The following SS18 variants were observed in gnomAD, a reference collection of about 807,000 sequenced individuals.
SS18 encodes SS18 subunit of BAF chromatin remodeling complex, also known as protein SSXT.
SS18 carries 28 observed loss-of-function variants against 72.5 expected under a neutral mutation model. The ratio of observed to expected loss-of-function variants is 0.39; its 90% CI spans 0.29 to 0.53. The LOEUF is 0.53. SS18 is among the 20% of genes least tolerant of loss of function. The pLI is 0.76. For synonymous variants in SS18, 172 were observed against 164.2 expected (o/e 1.05, Z -0.37); for missense variants, 518 against 535.3 (o/e 0.97, Z 0.32).
At chr18:26,052,488 C>G in intron 5 of SS18, 136 bp downstream of exon 5, 1 of 665,888 alleles carries the variant, frequency 1.5e-6, no homozygotes, top group East Asian at 2.7e-5. Context: ...AACTCAACAT[C>G]TCCTTTTTAT....
chr18:26,032,463 C>A lies in SS18; in HGVS notation c.1166G>T (p.Gly389Val). Residue 389 changes from glycine (G) to valine (V), a missense_variant, in exon 10 of 11, where the codon GGA becomes GTA. Gly to Val is a moderately radical substitution (Grantham distance 109). Coordinates refer to ENST00000415083, the MANE Select transcript of SS18 (RefSeq NM_001007559.3). ...TGGTCCAGGCTGTGTTGGTCTATAT[C>A]CTCCATACTGCTGACCTTGTCCCTG... is the stretch of plus-strand genomic sequence containing the variant. Reference protein sequence around the residue: ...YPQGQGQQYGGYRPTQPGPPQ... With the variant: ...YPQGQGQQYGVYRPTQPGPPQ... 1 of 1,613,858 alleles carries A rather than the reference C, an allele frequency of 6.2e-7. No homozygotes were observed. The highest frequency in any genetic ancestry group is 8.5e-7 in the Non-Finnish European group (1 of 1,179,884).
intron 10 of SS18, among the ~76,000 whole-genome samples, chr18:26,030,686 A>T (rs142556119): frequency 2.4e-4 from 37 of 152,296 alleles, no homozygotes; most frequent in Middle Eastern, 6.8e-3. Context: ...AGGGAATCCA[A>T]AGACAAGAGA....
rs769794433 is a variant in SS18, at chr18:26,035,150, G to GA, written c.974-24dup. ...TTCCTACAGGATAATTGGAGAAGAG[G>GA]AAAAAAAACTGAGAAGTCTGCTTAA... On this transcript the variant is annotated intron_variant, in intron 8 of 10. Coordinates refer to ENST00000415083, the MANE Select transcript of SS18 (RefSeq NM_001007559.3). The surrounding 1 kb of genome is among the most constrained non-coding windows in gnomAD (Gnocchi z 4.4). 22 of 1,598,312 alleles carry GA rather than the reference G, an allele frequency of 1.4e-5. No homozygotes were observed. Among genetic ancestry groups the GA allele is most frequent in the Non-Finnish European group, 1.4e-5 (17 of 1,173,602 alleles).
At chr18:26,040,116 A>G (rs1169485137) in intron 5 of SS18, among the ~76,000 whole-genome samples, 2 of 152,236 alleles carry the variant, frequency 1.3e-5, no homozygotes, top group African/African-American at 4.8e-5. Flanking sequence ...AGACACATAC[A>G]TTACATAAAG....
At chr18:26,039,577 TG>T in intron 5 of SS18, 121 bp from the exon 6 acceptor site, 1 of 823,930 alleles carries the variant, frequency 1.2e-6, no homozygotes, top group Non-Finnish European at 1.7e-6. Flanking sequence ...CAGTAAAAAC[TG>T]ATTTCAAATA....
intron 4 of SS18, 111 bp downstream of exon 4, chr18:26,057,478 G>C: frequency 8.0e-7 from 1 of 1,242,850 alleles, no homozygotes; most frequent in Non-Finnish European, 1.2e-6. Flanking sequence ...GCTTGTACTC[G>C]GGGGCATTCA....
At chr18:26,084,095 G>A (rs541894215) in intron 2 of SS18, 29 of 152,068 alleles carry the variant, frequency 1.9e-4, no homozygotes, top group African/African-American at 6.5e-4. Flanking sequence ...AACATTTTGT[G>A]GTATAAGAAA....
At chr18:26,066,430 C>G (rs2144076362) in intron 3 of SS18, among the ~76,000 whole-genome samples, 1 of 152,206 alleles carries the variant, frequency 6.6e-6, no homozygotes, top group Non-Finnish European at 1.5e-5. Context: ...TGATATTTCC[C>G]TTCACCCTCA....
At chr18:26,069,514 A>G (rs2054276867) in intron 3 of SS18, among the ~76,000 whole-genome samples, 1 of 149,646 alleles carries the variant, frequency 6.7e-6, no homozygotes, top group Admixed American at 6.6e-5. Flanking sequence ...AAGTAAAAAA[A>G]AAAAAAAAAA....
intron 4 of SS18, 24 bp from the exon 5 acceptor site, chr18:26,052,869 C>G (rs754179371): frequency 1.6e-5 from 26 of 1,596,552 alleles, no homozygotes; most frequent in Middle Eastern, 3.3e-4. Context: ...TGATCAGAAG[C>G]AAAATATGAA....
intron 4 of SS18, among the ~76,000 whole-genome samples, chr18:26,053,116 A>T (rs898696356): frequency 7.2e-5 from 11 of 152,212 alleles, no homozygotes; most frequent in African/African-American, 2.7e-4. Flanking sequence ...AACATATCAT[A>T]AGGTTGGAGT....
rs1364407594 is a variant in SS18, at chr18:26,038,653, G to A, written c.782C>T (p.Pro261Leu). 3 of 1,612,872 alleles carry A rather than the reference G, an allele frequency of 1.9e-6. No individual in the cohort carries two copies. The highest frequency in any genetic ancestry group is 3.3e-5 in the Admixed American group (2 of 59,952). The change falls in exon 7 of 11, where the codon CCA becomes CTA. Residue 261 changes from proline to leucine, a missense_variant. Coordinates refer to ENST00000415083, the MANE Select transcript of SS18 (RefSeq NM_001007559.3). ...GTCTTCCTGGCCTGAGTACTGCTGT[G>A]GTGGGCCTGAAAAACCACAACCAGT... is the stretch of plus-strand genomic sequence containing the variant. The part of the protein sequence containing the change: ...PPYRPPQQGP[P>L]QQYSGQEDYY...
At chr18:26,029,618 C>CCA (rs1248437991) in intron 10 of SS18, among the ~76,000 whole-genome samples, 1 of 152,106 alleles carries the variant, frequency 6.6e-6, no homozygotes, top group Non-Finnish European at 1.5e-5. Context: ...AAGAATGGAA[C>CCA]CACTGTTTAC....
chr18:26,074,016 C>G (rs1000643143), intron 3 of SS18, among the ~76,000 whole-genome samples: 2 of 152,050 alleles, frequency 1.3e-5, no homozygotes, highest in African/African-American at 2.4e-5. Context: ...TTGGAATGTG[C>G]AAACTTATCT....
rs74903593 is a variant in SS18, at chr18:26,069,916, T to C, written c.231+8160A>G. On this transcript the variant is annotated intron_variant, in intron 3 of 10. Coordinates refer to ENST00000415083, the MANE Select transcript of SS18 (RefSeq NM_001007559.3). The stretch of plus-strand genomic sequence containing the variant: ...CAGTAACTAATATGAAATTAAAACA[T>C]AGAAATGCCATTTCTTCAAAGTATG... Among the ~76,000 whole-genome samples the C allele has an allele frequency of 1.5e-3, 227 of 152,328 alleles. 8 individuals are homozygous for C. The East Asian group carries it at 0.031, about 21-fold the overall frequency.
intron 4 of SS18, among the ~76,000 whole-genome samples, chr18:26,053,847 C>A (rs1368304245): frequency 6.6e-6 from 1 of 152,128 alleles, no homozygotes; most frequent in Non-Finnish European, 1.5e-5. Context: ...GTTGAAGGAA[C>A]AGAAATCTTA....
intron 10 of SS18, 23 bp from the exon 11 acceptor site, chr18:26,018,403 T>C: frequency 1.4e-6 from 2 of 1,468,314 alleles, no homozygotes; most frequent in Non-Finnish European, 1.9e-6. Flanking sequence ...TTTAAAAATA[T>C]AATTAGATAA....
intron 2 of SS18, among the ~76,000 whole-genome samples, chr18:26,086,828 A>G (rs2054623293): frequency 6.6e-6 from 1 of 152,226 alleles, no homozygotes; most frequent in South Asian, 2.1e-4. Flanking sequence ...TAACTTTCCC[A>G]CAGATAAGAC....
chr18:26,038,531 A>G, intron 7 of SS18, 24 bp downstream of exon 7: 1 of 1,590,692 alleles, frequency 6.3e-7, no homozygotes, highest in Non-Finnish European at 8.6e-7. Flanking sequence ...AGAAAATGGG[A>G]AAGTTAACAT....
Sources: gnomAD v4.1 joint callset for allele counts (sites outside exome capture counted in the v4.1 genomes callset) on GRCh38, gnomAD v4.1.1 for gene constraint, Gnocchi (gnomAD v3.1) non-coding constraint, MANE v1.5 for transcripts, NCBI Gene and HGNC (gene_info 2026-07-23, HGNC 2026-07-21) for gene names.